The following GPHN variants were observed in gnomAD, a reference collection of about 807,000 sequenced individuals.
GPHN encodes gephyrin.
GPHN carries 17 observed loss-of-function variants against 95.5 expected under a neutral mutation model. That is an observed-to-expected ratio of 0.18 (90% CI 0.12 to 0.27). GPHN has a LOEUF of 0.27. Among genes scored for constraint, GPHN ranks in the 10% least tolerant of loss-of-function variants. GPHN has a pLI of 1.00. For synonymous variants in GPHN, 320 were observed against 322.5 expected (o/e 0.99, Z 0.08); for missense variants, 660 against 978.1 (o/e 0.67, Z 4.34).
chr14:67,295,760 T>G, the GPHN span, among the ~76,000 whole-genome samples: 1 of 152,144 alleles, frequency 6.6e-6, no homozygotes, highest in Non-Finnish European at 1.5e-5. Context: ...ACATCACTGG[T>G]GGAGTATAAA....
At chr14:66,518,514 T>G (rs1404145610) in intron 1 of GPHN, among the ~76,000 whole-genome samples, 1 of 152,128 alleles carries the variant, frequency 6.6e-6, no homozygotes, top group Non-Finnish European at 1.5e-5. Context: ...AGGAAATCAG[T>G]ATATGGAAGA....
intron 1 of GPHN, among the ~76,000 whole-genome samples, chr14:66,548,695 G>C (rs2059699670): frequency 6.6e-6 from 1 of 152,148 alleles, no homozygotes. Flanking sequence ...TCAAGATCTA[G>C]AGATCCTGAT....
At chr14:67,351,363 A>G in the GPHN span, among the ~76,000 whole-genome samples, 1 of 152,018 alleles carries the variant, frequency 6.6e-6, no homozygotes, top group East Asian at 1.9e-4. Context: ...AGGTTTAAAG[A>G]AAAAAAACTG....
chr14:66,609,083 G>A (rs1188972934), intron 1 of GPHN, among the ~76,000 whole-genome samples: 1 of 152,068 alleles, frequency 6.6e-6, no homozygotes, highest in Non-Finnish European at 1.5e-5. Flanking sequence ...GTGTCTATGG[G>A]CTATATGCTT....
intron 1 of GPHN, among the ~76,000 whole-genome samples, chr14:66,604,279 A>G (rs2062403829): frequency 6.6e-6 from 1 of 152,168 alleles, no homozygotes; most frequent in Non-Finnish European, 1.5e-5. Context: ...AATGTATGCC[A>G]TTTAATGCTT....
At chr14:66,961,613 G>C (rs1477348131) in intron 8 of GPHN, among the ~76,000 whole-genome samples, 2 of 151,212 alleles carry the variant, frequency 1.3e-5, no homozygotes, top group African/African-American at 4.8e-5. Context: ...GGATTTGAAC[G>C]GGGACTTCAC....
chr14:66,666,549 G>T (rs962711567), intron 1 of GPHN, among the ~76,000 whole-genome samples: 3 of 152,026 alleles, frequency 2.0e-5, no homozygotes, highest in Admixed American at 1.3e-4. Context: ...TATCTCAAGA[G>T]ATTCAGAAAA....
chr14:67,021,485 T>G (rs2073626830), intron 9 of GPHN, among the ~76,000 whole-genome samples: 1 of 152,130 alleles, frequency 6.6e-6, no homozygotes, highest in African/African-American at 2.4e-5. Flanking sequence ...TGGGTTTCTT[T>G]ATTCAATTCA....
At chr14:67,446,800 A>G in the GPHN span, among the ~76,000 whole-genome samples, 12 of 152,340 alleles carry the variant, frequency 7.9e-5, no homozygotes, top group South Asian at 2.5e-3. Flanking sequence ...CTAAGCTCAG[A>G]TCCAAAAAGA....
chr14:67,298,335 G>T, the GPHN span, among the ~76,000 whole-genome samples: 1 of 152,070 alleles, frequency 6.6e-6, no homozygotes, highest in South Asian at 2.1e-4. Flanking sequence ...CCAACATGGT[G>T]AAACCCTGTC....
At chr14:67,265,501 G>A in the GPHN span, among the ~76,000 whole-genome samples, 2 of 152,152 alleles carry the variant, frequency 1.3e-5, no homozygotes, top group Non-Finnish European at 2.9e-5. Flanking sequence ...GCTACAGTGA[G>A]CTGTGATTAT....
chr14:66,904,094 T>C (rs968684365), intron 5 of GPHN, among the ~76,000 whole-genome samples: 1 of 152,094 alleles, frequency 6.6e-6, no homozygotes, highest in Non-Finnish European at 1.5e-5. Context: ...GTGTCCAGAG[T>C]TGGTTCCTTC....
the GPHN span, among the ~76,000 whole-genome samples, chr14:67,504,044 C>G: frequency 1.7e-5 from 2 of 116,934 alleles, no homozygotes; most frequent in Non-Finnish European, 3.6e-5. Context: ...GACAGGATCT[C>G]GCTCTGTCAC....
At chr14:66,770,553 T>G (rs1198476562) in intron 2 of GPHN, among the ~76,000 whole-genome samples, 4 of 152,180 alleles carry the variant, frequency 2.6e-5, no homozygotes, top group Non-Finnish European at 4.4e-5. Context: ...TTTCAACCCT[T>G]CTATTGTGCA....
chr14:67,082,367 T>C (rs2076725503), intron 11 of GPHN, among the ~76,000 whole-genome samples: 1 of 152,118 alleles, frequency 6.6e-6, no homozygotes, highest in Admixed American at 6.5e-5. Context: ...CTGATTTTAC[T>C]AGCACCATTT....
intron 2 of GPHN, among the ~76,000 whole-genome samples, chr14:66,713,180 T>C (rs781757317): frequency 6.6e-6 from 1 of 152,222 alleles, no homozygotes; most frequent in African/African-American, 2.4e-5. Context: ...TTTTATTGCA[T>C]ATGTTTTGGG....
intron 4 of GPHN, among the ~76,000 whole-genome samples, chr14:66,851,559 A>G (rs2062586736): frequency 6.6e-6 from 1 of 152,110 alleles, no homozygotes; most frequent in South Asian, 2.1e-4. Flanking sequence ...ATACAGCTAT[A>G]TTTATTAACC....
chr14:67,199,203 A>G, the GPHN span: 3 of 1,606,638 alleles, frequency 1.9e-6, no homozygotes, highest in Non-Finnish European at 2.6e-6. Context: ...GCCAAAGGAT[A>G]GAGTCACTGG....
At chr14:67,144,367 T>C (rs953856072) in intron 18 of GPHN, among the ~76,000 whole-genome samples, 1 of 147,510 alleles carries the variant, frequency 6.8e-6, no homozygotes, top group Admixed American at 6.9e-5. Context: ...AGACCACAAT[T>C]TGAATATTTC....
Sources: allele counts gnomAD v4.1 joint callset (sites outside exome capture counted in the v4.1 genomes callset), GRCh38; gene constraint gnomAD v4.1.1; transcripts MANE v1.5; gene names NCBI Gene and HGNC (gene_info 2026-07-23, HGNC 2026-07-21).